OSTN: variants seen among roughly 807,000 people sequenced by gnomAD.
OSTN encodes osteocrin.
A neutral mutation model predicts 12.0 loss-of-function variants in OSTN; 9 were observed. The ratio of observed to expected loss-of-function variants is 0.75; its 90% CI spans 0.45 to 1.30. OSTN has a LOEUF of 1.30. Ranked by LOEUF, OSTN falls within the 50% of genes most tolerant of loss-of-function variation. The pLI, the probability that OSTN is intolerant of heterozygous loss-of-function variation, is 0.00. For missense variants in OSTN, 148 were observed against 152.3 expected (o/e 0.97, Z 0.15); for synonymous variants, 59 against 56.9 (o/e 1.04, Z -0.16).
intron 3 of OSTN, among the ~76,000 whole-genome samples, chr3:191,220,728 T>C (rs1247601820): frequency 3.3e-5 from 5 of 152,210 alleles, no homozygotes; most frequent in African/African-American, 7.2e-5. Context: ...GAAGAAAATA[T>C]GGTGCCTTCT....
intron 1 of OSTN, among the ~76,000 whole-genome samples, chr3:191,202,638 C>T (rs974264880): frequency 3.3e-5 from 5 of 152,084 alleles, no homozygotes; most frequent in Non-Finnish European, 7.4e-5. Flanking sequence ...TGAAGGGGGT[C>T]GTGAAATTCC....
chr3:191,234,938 G>A (rs551030950), intron 3 of OSTN, among the ~76,000 whole-genome samples: 1 of 152,216 alleles, frequency 6.6e-6, no homozygotes, highest in South Asian at 2.1e-4. Context: ...ACTGAAAGTA[G>A]GGTGAGAAAA....
chr3:191,211,827 T>C (rs1013907691), intron 1 of OSTN, among the ~76,000 whole-genome samples: 2 of 152,176 alleles, frequency 1.3e-5, no homozygotes, highest in Non-Finnish European at 2.9e-5. Context: ...AATTTGTGTC[T>C]ATCTTTAAAG....
chr3:191,244,153 A>G (rs186765522), intron 3 of OSTN, among the ~76,000 whole-genome samples: 2 of 152,282 alleles, frequency 1.3e-5, no homozygotes, highest in Non-Finnish European at 2.9e-5. Flanking sequence ...GTGATTCTCA[A>G]TAAAAAGTTT....
intron 1 of OSTN, among the ~76,000 whole-genome samples, chr3:191,200,377 A>G (rs1454334589): frequency 6.6e-6 from 1 of 152,112 alleles, no homozygotes; most frequent in Non-Finnish European, 1.5e-5. Context: ...ATTCTTATAT[A>G]CTGAATAATG....
At chr3:191,213,241 T>A (rs748223243) in intron 2 of OSTN, 5 of 152,146 alleles carry the variant, frequency 3.3e-5, no homozygotes, top group Non-Finnish European at 7.3e-5. Context: ...AATAAGAAAA[T>A]GTACACAAAA....
chr3:191,219,067 A>G, intron 3 of OSTN, 106 bp downstream of exon 3: 1 of 1,009,740 alleles, frequency 9.9e-7, no homozygotes, highest in South Asian at 1.7e-5. Flanking sequence ...CCTTGTATAT[A>G]TAAACAGATT....
At chr3:191,217,599 T>G (rs997950329) in intron 2 of OSTN, among the ~76,000 whole-genome samples, 2 of 152,174 alleles carry the variant, frequency 1.3e-5, no homozygotes, top group African/African-American at 4.8e-5. Flanking sequence ...ATGCTGCCAT[T>G]GGGCCTCAGA....
chr3:191,218,940 T>TGATCTAC lies in OSTN; in HGVS notation c.296_297insGATCTAC (p.Asp100IlefsTer7). ...CTTGACAGACTCTCAGCTGGCTCTG[T>TGATCTAC]AGATCACAAAGGTAAACAGAGGTAA... On this transcript the variant is annotated frameshift_variant, in exon 3 of 5. Transcript: ENST00000682035. LOFTEE classifies it high-confidence loss of function. The TGATCTAC allele has an allele frequency of 1.2e-6, 2 of 1,613,982 alleles. No individual in the cohort carries two copies. Among genetic ancestry groups the TGATCTAC allele is most frequent in the Non-Finnish European group, 1.7e-6 (2 of 1,179,892 alleles).
In OSTN at chr3:191,264,771, T is replaced by C. The variant is rs1035214375; in HGVS notation, c.*1918T>C. 3.5e-4 allele frequency: 54 copies of C among 152,304 alleles called. No individual in the cohort carries two copies. The highest frequency in any genetic ancestry group is 1.3e-3 in the African/African-American group (54 of 41,594). The allele number at this position is 152,304 out of a possible 1,614,324, so 9.4% of individuals were successfully genotyped here. A position where few individuals can be genotyped will look rare whatever the true frequency, so the allele number is the denominator to read the frequency against. On this transcript the variant is annotated 3_prime_UTR_variant, in exon 5 of 5. Transcript: ENST00000682035. ...TCTAATCCAATTGGGTTCTGCTTCA[T>C]GCTTTGACAAAAGGTATTAAAACCT... is the stretch of plus-strand genomic sequence containing the variant.
chr3:191,263,973 G>A lies in OSTN; in HGVS notation c.*1120G>A, dbSNP rs542120311. The A allele has an allele frequency of 4.6e-5, 7 of 152,100 alleles. No homozygotes were observed. Among genetic ancestry groups the A allele is most frequent in the Non-Finnish European group, 8.8e-5 (6 of 67,970 alleles). 9.4% of individuals were successfully genotyped at this position (152,100 alleles called of 1,614,324 possible). A position where few individuals can be genotyped will look rare whatever the true frequency, so the allele number is the denominator to read the frequency against. ...CACAAAAAAAACTTTCTATGGAACAGAGATTCATCATAAGTTACTTAGCAG... is the reference window on the plus strand; with the variant it reads ...CACAAAAAAAACTTTCTATGGAACAAAGATTCATCATAAGTTACTTAGCAG... On this transcript the variant is annotated 3_prime_UTR_variant, in exon 5 of 5. Transcript: ENST00000682035.
At chr3:191,262,784 C>A in intron 4 of OSTN, 82 bp from the exon 5 acceptor site, 1 of 688,380 alleles carries the variant, frequency 1.5e-6, no homozygotes, top group Admixed American at 2.1e-5. Context: ...AGACTTAACT[C>A]TTCTCAAGTG....
chr3:191,250,630 ATTCT>A (rs1715542271), intron 4 of OSTN, among the ~76,000 whole-genome samples: 1 of 152,174 alleles, frequency 6.6e-6, no homozygotes, highest in Non-Finnish European at 1.5e-5. Context: ...CCAAATCCTG[ATTCT>A]TTCATTCATT....
At chr3:191,217,950 A>G (rs1477442775) in intron 2 of OSTN, among the ~76,000 whole-genome samples, 2 of 152,218 alleles carry the variant, frequency 1.3e-5, no homozygotes, top group African/African-American at 4.8e-5. Context: ...CATTTAATAA[A>G]TATTCATCAG....
intron 3 of OSTN, among the ~76,000 whole-genome samples, chr3:191,223,678 A>C (rs929873914): frequency 3.3e-5 from 5 of 152,290 alleles, no homozygotes; most frequent in Middle Eastern, 3.4e-3. Flanking sequence ...GAAAACAGAG[A>C]GGTGCAAGAT....
chr3:191,218,433 C>A (rs566983147), intron 2 of OSTN, among the ~76,000 whole-genome samples: 1 of 152,062 alleles, frequency 6.6e-6, no homozygotes, highest in Non-Finnish European at 1.5e-5. Flanking sequence ...ACCAGCCTGG[C>A]CAACATGGTG....
At chr3:191,228,418 TAA>T (rs1344692496) in intron 3 of OSTN, among the ~76,000 whole-genome samples, 1 of 152,240 alleles carries the variant, frequency 6.6e-6, no homozygotes, top group Admixed American at 6.5e-5. Context: ...TATTTACATT[TAA>T]GTTACATTTC....
chr3:191,240,891 C>T (rs1425106047), intron 3 of OSTN, among the ~76,000 whole-genome samples: 2 of 152,252 alleles, frequency 1.3e-5, no homozygotes, highest in South Asian at 2.1e-4. Context: ...GCTGCAATAG[C>T]TTTCATTACT....
chr3:191,212,366 A>G lies in OSTN; in HGVS notation c.1-167A>G, dbSNP rs192717440. 6.6e-5 allele frequency among the ~76,000 whole-genome samples: 10 copies of G among 152,338 alleles called. No individual in the cohort carries two copies. The East Asian group carries it at 1.7e-3, about 26-fold the overall frequency. On this transcript the variant is annotated intron_variant, in intron 1 of 4. Transcript: ENST00000682035. ...TGACAGAATTCGTTCTGGGAGATGGACAGCTTCTATTAAGTATTATTTACG... is the reference window on the plus strand; with the variant it reads ...TGACAGAATTCGTTCTGGGAGATGGGCAGCTTCTATTAAGTATTATTTACG...
Sources: gnomAD v4.1 joint callset for allele counts (sites outside exome capture counted in the v4.1 genomes callset) on GRCh38, gnomAD v4.1.1 for gene constraint, MANE v1.5 for transcripts, NCBI Gene and HGNC (gene_info 2026-07-23, HGNC 2026-07-21) for gene names.